Variants in PPFIA4 observed in about 807,000 individuals in gnomAD.
PPFIA4 encodes PPFI scaffold protein A4, also known as liprin-alpha-4.
In PPFIA4, 98 loss-of-function variants were observed where a neutral mutation model predicts 145.7. That is an observed-to-expected ratio of 0.67 (90% CI 0.57 to 0.80). The LOEUF (loss-of-function observed/expected upper bound fraction) is 0.80. Ranked by LOEUF, PPFIA4 falls within the 30% of genes least tolerant of loss-of-function variation. The pLI, the probability that PPFIA4 is intolerant of heterozygous loss-of-function variation, is 0.00. For synonymous variants in PPFIA4, 628 were observed against 649.6 expected (o/e 0.97, Z 0.51); for missense variants, 1,457 against 1,632.7 (o/e 0.89, Z 1.85).
intron 25 of PPFIA4, among the ~76,000 whole-genome samples, chr1:203,065,833 T>C (rs1204594427): frequency 6.6e-6 from 1 of 152,224 alleles, no homozygotes; most frequent in East Asian, 1.9e-4. Flanking sequence ...GGGGCTCAAA[T>C]CCTTGTCTCT....
chr1:203,032,568 A>T (rs1658930412), intron 1 of PPFIA4, among the ~76,000 whole-genome samples: 1 of 149,720 alleles, frequency 6.7e-6, no homozygotes, highest in Non-Finnish European at 1.5e-5. Context: ...AGTAACTGGG[A>T]CTGTAGTCTG....
chr1:203,059,307 C>G (rs753955462), intron 20 of PPFIA4, 36 bp downstream of exon 20: 15 of 1,441,434 alleles, frequency 1.0e-5, no homozygotes, highest in Non-Finnish European at 1.3e-5. Context: ...CAGGGTGGGG[C>G]CCAGCCCCCT....
At chr1:203,066,648 C>T (rs539235235) in intron 25 of PPFIA4, among the ~76,000 whole-genome samples, 1 of 152,176 alleles carries the variant, frequency 6.6e-6, no homozygotes, top group African/African-American at 2.4e-5. Context: ...TAGGTGGGAG[C>T]GTGGACTGAT....
intron 13 of PPFIA4, chr1:203,051,453 T>TG: frequency 1.5e-6 from 1 of 673,078 alleles, no homozygotes; most frequent in South Asian, 4.6e-5. Flanking sequence ...ACCTCTTTGA[T>TG]GGGGAGCTCA....
intron 2 of PPFIA4, among the ~76,000 whole-genome samples, chr1:203,039,670 C>T (rs140451450): frequency 0.015 from 2,239 of 152,318 alleles, 31 homozygotes; most frequent in Admixed American, 0.022. Flanking sequence ...AGAGACATCA[C>T]ATGGAAGATG....
In PPFIA4 at chr1:203,043,644, C is replaced by A; in HGVS notation, c.336+146C>A. The A allele has an allele frequency of 1.3e-6, 1 of 799,768 alleles. No homozygotes were observed. Among genetic ancestry groups the A allele is most frequent in the Non-Finnish European group, 2.0e-6 (1 of 492,570 alleles). 49.5% of individuals were successfully genotyped at this position (799,768 alleles called of 1,614,324 possible). The stretch of plus-strand genomic sequence containing the variant: ...AAGCCCCATCCTTCCCTCTTCCTGT[C>A]TCCCATCCTGGGGTGAGAGTTACAT... On this transcript the variant is annotated intron_variant, in intron 3 of 29. Coordinates refer to ENST00000295706, the MANE Select transcript of PPFIA4 (RefSeq NM_001304331.2). The surrounding 1 kb of genome is among the most constrained non-coding windows in gnomAD (Gnocchi z 4.4).
At chr1:203,049,793 T>G in intron 13 of PPFIA4, 26 bp downstream of exon 13, 1 of 1,513,746 alleles carries the variant, frequency 6.6e-7, no homozygotes, top group Non-Finnish European at 8.9e-7. Flanking sequence ...AGGCTGGGCA[T>G]GCCAGGACGG....
intron 19 of PPFIA4, among the ~76,000 whole-genome samples, chr1:203,058,030 C>G (rs1661095206): frequency 6.6e-6 from 1 of 152,102 alleles, no homozygotes; most frequent in African/African-American, 2.4e-5. Flanking sequence ...CTGTGAGGGC[C>G]TTGCAGCATC....
intron 23 of PPFIA4, chr1:203,061,335 CCA>C: frequency 9.4e-6 from 5 of 533,040 alleles, no homozygotes; most frequent in Non-Finnish European, 1.7e-5. Context: ...TGGACCTGAG[CCA>C]CAGAGTCTCT....
chr1:203,040,819 T>C (rs1379629846), intron 2 of PPFIA4, among the ~76,000 whole-genome samples: 1 of 152,208 alleles, frequency 6.6e-6, no homozygotes, highest in Non-Finnish European at 1.5e-5. Flanking sequence ...GGTAACTTAT[T>C]CAAGATCATA....
intron 1 of PPFIA4, among the ~76,000 whole-genome samples, chr1:203,038,369 G>A (rs1659452389): frequency 6.6e-6 from 1 of 152,188 alleles, no homozygotes; most frequent in Non-Finnish European, 1.5e-5. Context: ...CTGCCACTGC[G>A]GCTGCACTTC....
rs1402053242 is a variant in PPFIA4 at position 203,038,835 on chromosome 1, C to T, written c.-174C>T. The T allele has an allele frequency of 1.8e-6, 1 of 558,186 alleles. No individual in the cohort carries two copies. The highest frequency in any genetic ancestry group is 3.2e-6 in the Non-Finnish European group (1 of 315,060). 34.6% of individuals were successfully genotyped at this position (558,186 alleles called of 1,614,324 possible). On this transcript the variant is annotated 5_prime_UTR_variant, in exon 2 of 30. Transcript: ENST00000295706. ...CAGTTCCACAGGGGCACTCCAGACC[C>T]CAGGCCCCTTTCAGAGCAAAAGCAA...
chr1:203,035,143 C>T (rs536482933), intron 1 of PPFIA4: 4 of 365,022 alleles, frequency 1.1e-5, no homozygotes, highest in East Asian at 7.5e-5. Context: ...CTCTCACCTC[C>T]AGCTGGGTGG....
In PPFIA4 at chr1:203,043,781, AG is replaced by A. The variant is rs1659869245; in HGVS notation, c.337-149del. On this transcript the variant is annotated intron_variant, in intron 3 of 29. Coordinates refer to ENST00000295706, the MANE Select transcript of PPFIA4 (RefSeq NM_001304331.2). The surrounding 1 kb of genome is among the most constrained non-coding windows in gnomAD (Gnocchi z 4.4). ...CTTGAGTAGTATCAGTTGGGGCGGG[AG>A]CTCTGTGCCCATTTGGAAGTATTTC... The A allele has an allele frequency of 1.2e-6, 1 of 845,480 alleles. No individual in the cohort carries two copies. Among genetic ancestry groups the A allele is most frequent in the Non-Finnish European group, 1.8e-6 (1 of 561,206 alleles). The allele number at this position is 845,480 out of a possible 1,614,324, so 52.4% of individuals were successfully genotyped here.
intron 24 of PPFIA4, chr1:203,063,089 G>A (rs891604973): frequency 6.6e-6 from 1 of 152,238 alleles, no homozygotes; most frequent in African/African-American, 2.4e-5. Flanking sequence ...AAAACATCAA[G>A]TAAGGGTAAG....
Position 203,061,032 on chromosome 1 carries a change from A to AG in PPFIA4, c.2847+1dup, listed in dbSNP as rs1661321208. The AG allele has an allele frequency of 6.2e-7, 1 of 1,613,928 alleles. No homozygotes were observed. The highest frequency in any genetic ancestry group is 2.2e-5 in the East Asian group (1 of 44,876). On this transcript the variant is annotated frameshift_variant and splice_region_variant. Transcript: ENST00000295706. LOFTEE classifies it high-confidence loss of function. Reference sequence around the variant, plus strand: ...AAACTCTGGAAACATCTACTAAAACAGTGAGTCTGGCCCTTGGCCTTTGTC... The same window carrying AG: ...AAACTCTGGAAACATCTACTAAAACAGGTGAGTCTGGCCCTTGGCCTTTGTC...
intron 13 of PPFIA4, chr1:203,051,547 T>C: frequency 2.4e-6 from 2 of 848,172 alleles, no homozygotes; most frequent in Non-Finnish European, 3.3e-6. Context: ...AACCGCTCTC[T>C]GGAACTTTCT....
At position 203,043,725 on chromosome 1, in the gene PPFIA4, C is replaced by T. The variant is rs1482254120; in HGVS notation, c.337-206C>T. Among the ~76,000 whole-genome samples, 2 of 152,170 alleles carry T rather than the reference C, an allele frequency of 1.3e-5. No individual in the cohort carries two copies. The highest frequency in any genetic ancestry group is 1.3e-4 in the Admixed American group (2 of 15,272). On this transcript the variant is annotated intron_variant, in intron 3 of 29. Transcript: ENST00000295706. This position sits in a 1 kb window ranked among gnomAD's most constrained non-coding sequence, Gnocchi z 4.4. ...TGTAGTTGCTGGTTCACAGAAAGCT[C>T]AGGGTCCTGGGGAGAGGCCGGGGCA...
At position 203,055,402 on chromosome 1, in the gene PPFIA4, T is replaced by C; in HGVS notation, c.1830-30T>C. On this transcript the variant is annotated intron_variant, in intron 15 of 29. Coordinates refer to ENST00000295706, the MANE Select transcript of PPFIA4 (RefSeq NM_001304331.2). This position sits in a 1 kb window ranked among gnomAD's most constrained non-coding sequence, Gnocchi z 4.8. ...TCCTGCTGGTCCTGGCTGGGGCTAG[T>C]GGTGAGGTCTGGTTTTGCCTCCCTT... is the stretch of plus-strand genomic sequence containing the variant. The C allele has an allele frequency of 6.8e-6, 11 of 1,611,410 alleles. No individual in the cohort carries two copies. Among genetic ancestry groups the C allele is most frequent in the Non-Finnish European group, 9.3e-6 (11 of 1,177,712 alleles).
Sources: gnomAD v4.1 joint callset for allele counts (sites outside exome capture counted in the v4.1 genomes callset) on GRCh38, gnomAD v4.1.1 for gene constraint, Gnocchi (gnomAD v3.1) non-coding constraint, MANE v1.5 for transcripts, NCBI Gene and HGNC (gene_info 2026-07-23, HGNC 2026-07-21) for gene names.